The following WHRN variants were observed in gnomAD, a reference collection of about 807,000 sequenced individuals.
The protein encoded by WHRN is whirlin.
In WHRN, 41 loss-of-function variants were observed where a neutral mutation model predicts 68.3. That is an observed-to-expected ratio of 0.60 (90% CI 0.47 to 0.78). WHRN has a LOEUF of 0.78. WHRN is among the 30% of genes least tolerant of loss of function. WHRN has a pLI of 0.00. For missense variants in WHRN, 1,243 were observed against 1,244.7 expected (o/e 1.00, Z 0.02); for synonymous variants, 560 against 561.3 (o/e 1.00, Z 0.03).
chr9:114,440,288 G>A (rs974332760), intron 3 of WHRN, among the ~76,000 whole-genome samples: 1 of 152,136 alleles, frequency 6.6e-6, no homozygotes, highest in Admixed American at 6.5e-5. Context: ...CCCAGGCTCA[G>A]TGCAGCGATG....
chr9:114,445,722 G>A (rs981395325), intron 3 of WHRN, among the ~76,000 whole-genome samples: 10 of 152,182 alleles, frequency 6.6e-5, no homozygotes, highest in Admixed American at 2.6e-4. Flanking sequence ...CACCCAGTCC[G>A]TTCCATGCCT....
At chr9:114,426,001 T>G (rs1836817362) in intron 4 of WHRN, 1 of 645,704 alleles carries the variant, frequency 1.5e-6, no homozygotes, top group Non-Finnish European at 2.7e-6. Flanking sequence ...AATGAGACAG[T>G]TGGATGGTGT....
intron 3 of WHRN, among the ~76,000 whole-genome samples, chr9:114,440,947 G>A (rs958098416): frequency 1.3e-5 from 2 of 152,180 alleles, no homozygotes; most frequent in South Asian, 4.1e-4. Flanking sequence ...GTTCTCCCAA[G>A]AAGCAGAGAA....
chr9:114,411,816 G>A (rs911864909), intron 7 of WHRN, among the ~76,000 whole-genome samples: 10 of 152,174 alleles, frequency 6.6e-5, no homozygotes, highest in Non-Finnish European at 8.8e-5. Flanking sequence ...TCATCTGACC[G>A]TTCTACAGAA....
chr9:114,504,412 G>A lies in WHRN; in HGVS notation c.390C>T (p.Pro130=), dbSNP rs186148643. ...TPYRQPAWGG[P]DSAGPGEVRL... ...GCACCTCCCCTGGCCCCGCGCTGTC[G>A]GGGCCGCCCCAGGCGGGCTGCCTGT... The change falls in exon 1 of 12, where the codon CCC becomes CCT. Residue 130 remains proline, a synonymous_variant. Transcript: ENST00000362057. 1.2e-6 allele frequency: 2 copies of A among 1,605,856 alleles called. No homozygotes were observed. The highest frequency in any genetic ancestry group is 1.7e-6 in the Non-Finnish European group (2 of 1,179,288).
At chr9:114,424,169 G>A (rs1469906271) in intron 6 of WHRN, among the ~76,000 whole-genome samples, 165 bp downstream of exon 6, 38 of 152,338 alleles carry the variant, frequency 2.5e-4, no homozygotes. Flanking sequence ...TCCCCCAGGA[G>A]TCTGTGAGCA....
At chr9:114,454,623 G>T (rs1260879801) in intron 3 of WHRN, among the ~76,000 whole-genome samples, 3 of 151,594 alleles carry the variant, frequency 2.0e-5, no homozygotes, top group Non-Finnish European at 4.4e-5. Flanking sequence ...ATAGTATGAA[G>T]ATGTTAAATC....
intron 7 of WHRN, among the ~76,000 whole-genome samples, chr9:114,420,404 G>A (rs572855731): frequency 2.0e-5 from 3 of 152,294 alleles, no homozygotes; most frequent in African/African-American, 7.2e-5. Context: ...TTTGGGGCGA[G>A]GCTGGGATCC....
At chr9:114,425,519 T>C (rs1015419020) in intron 4 of WHRN, 6 of 319,336 alleles carry the variant, frequency 1.9e-5, no homozygotes, top group Non-Finnish European at 3.5e-5. Flanking sequence ...CCTGGTATCT[T>C]TCTAGATGTT....
chr9:114,458,591 G>A (rs1226474531), intron 3 of WHRN, among the ~76,000 whole-genome samples: 2 of 152,172 alleles, frequency 1.3e-5, no homozygotes, highest in Non-Finnish European at 2.9e-5. Context: ...GCGGCAGAGG[G>A]GGTGGCCCTG....
chr9:114,504,571 G>T lies in WHRN; in HGVS notation c.231C>A (p.Thr77=). 6.2e-7 allele frequency: 1 copy of T among 1,611,530 alleles called. No individual in the cohort carries two copies. The highest frequency in any genetic ancestry group is 8.5e-7 in the Non-Finnish European group (1 of 1,179,766). ...CCGGACTGTCCAGCAGCACGCGCAG[G>T]GTGCGCACCAGGTCGAAGACGTTGC... ...ARRNVFDLVR[T]LRVLLDSPVK... is the part of the protein sequence containing the mutation. Residue 77 remains threonine, a synonymous_variant, in exon 1 of 12, where the codon ACC becomes ACA. Coordinates refer to ENST00000362057, the MANE Select transcript of WHRN (RefSeq NM_015404.4).
In WHRN at chr9:114,406,691, C is replaced by T. The variant is rs533658191; in HGVS notation, c.1900G>A (p.Ala634Thr). 47 of 1,613,938 alleles carry T rather than the reference C, an allele frequency of 2.9e-5. No individual in the cohort carries two copies. The highest frequency in any genetic ancestry group is 2.3e-4 in the Admixed American group (14 of 60,022). The change falls in exon 9 of 12, where the codon GCA (alanine) becomes ACA (threonine). Residue 634 changes from alanine to threonine, a missense_variant. Transcript: ENST00000362057. Reference sequence around the variant, plus strand: ...GCAGAGGAGGTCCCTGGGGTGGGTGCGGTGCCCGCTGGCGGGCTGCGGTTC... The same window carrying T: ...GCAGAGGAGGTCCCTGGGGTGGGTGTGGTGCCCGCTGGCGGGCTGCGGTTC... ...PQNRSPPAGT[A>T]PTPGTSSAQD...
intron 1 of WHRN, among the ~76,000 whole-genome samples, chr9:114,495,409 G>A (rs1275639010): frequency 3.9e-5 from 6 of 152,190 alleles, no homozygotes; most frequent in Non-Finnish European, 7.3e-5. Flanking sequence ...TGTGGTCTGA[G>A]AAGTGCTGGA....
At chr9:114,465,942 A>G (rs1412923982) in intron 3 of WHRN, among the ~76,000 whole-genome samples, 2 of 152,148 alleles carry the variant, frequency 1.3e-5, no homozygotes, top group East Asian at 3.9e-4. Context: ...TGCCCAGGGC[A>G]CCCCCAACCC....
At chr9:114,485,650 C>A (rs996375372) in intron 1 of WHRN, among the ~76,000 whole-genome samples, 1 of 151,984 alleles carries the variant, frequency 6.6e-6, no homozygotes, top group Non-Finnish European at 1.5e-5. Flanking sequence ...CAAGATTGCA[C>A]CACTGCACTA....
At chr9:114,406,328 C>G (rs1434160542) in intron 9 of WHRN, 27 bp downstream of exon 9, 1 of 1,613,576 alleles carries the variant, frequency 6.2e-7, no homozygotes, top group Admixed American at 1.7e-5. Flanking sequence ...CCCCAAGGAC[C>G]ACAGAGCCTG....
rs544297727 is a variant in WHRN, at chr9:114,500,414, G to A, written c.618+3770C>T. ...AAAGGACAATTGTGTCATTTAGAAC[G>A]TGCTGGACTAAATATAATGTCTTAT... On this transcript the variant is annotated intron_variant, in intron 1 of 11. Coordinates refer to ENST00000362057, the MANE Select transcript of WHRN (RefSeq NM_015404.4). 9.8e-5 allele frequency among the ~76,000 whole-genome samples: 15 copies of A among 152,328 alleles called. No homozygotes were observed. The East Asian group carries it at 1.2e-3, about 12-fold the overall frequency.
At chr9:114,473,442 G>A (rs1034215816) in intron 2 of WHRN, among the ~76,000 whole-genome samples, 1 of 152,190 alleles carries the variant, frequency 6.6e-6, no homozygotes, top group African/African-American at 2.4e-5. Flanking sequence ...TGAGATATGA[G>A]CCTGACCTGT....
intron 7 of WHRN, 76 bp from the exon 8 acceptor site, chr9:114,408,094 A>C: frequency 8.0e-7 from 1 of 1,252,336 alleles, no homozygotes; most frequent in Non-Finnish European, 1.1e-6. Context: ...CAGCACACCA[A>C]AATTGAGGAA....
Sources: gnomAD v4.1 joint callset for allele counts (sites outside exome capture counted in the v4.1 genomes callset) on GRCh38, gnomAD v4.1.1 for gene constraint, MANE v1.5 for transcripts, NCBI Gene and HGNC (gene_info 2026-07-23, HGNC 2026-07-21) for gene names.